The following ACVR1 variants were observed in gnomAD, a reference collection of about 807,000 sequenced individuals.
ACVR1 encodes activin receptor type-1.
ACVR1 carries 38 observed loss-of-function variants against 57.1 expected under a neutral mutation model. That is an observed-to-expected ratio of 0.67 (90% CI 0.51 to 0.87). The LOEUF (loss-of-function observed/expected upper bound fraction) is 0.87, where lower values mean the gene tolerates loss of function less well. Among genes scored for constraint, ACVR1 ranks in the 40% least tolerant of loss-of-function variants. ACVR1 has a pLI of 0.00. For synonymous variants in ACVR1, 212 were observed against 228.1 expected (o/e 0.93, Z 0.63); for missense variants, 463 against 638.2 (o/e 0.73, Z 2.96).
intron 9 of ACVR1, among the ~76,000 whole-genome samples, chr2:157,745,063 T>C (rs1371861807): frequency 6.6e-6 from 1 of 152,236 alleles, no homozygotes; most frequent in Non-Finnish European, 1.5e-5. Context: ...TCCAAACTAA[T>C]TGCATTCTCA....
intron 1 of ACVR1, among the ~76,000 whole-genome samples, chr2:157,854,425 G>GA (rs142157427): frequency 6.6e-6 from 1 of 152,110 alleles, no homozygotes; most frequent in African/African-American, 2.4e-5. Flanking sequence ...AATCCAAAAT[G>GA]AAAAAAGAGT....
intron 9 of ACVR1, among the ~76,000 whole-genome samples, chr2:157,754,725 T>C (rs1328411087): frequency 1.3e-5 from 2 of 152,140 alleles, no homozygotes; most frequent in Non-Finnish European, 2.9e-5. Context: ...TTCTGCAAGA[T>C]AGAGAAAGAG....
chr2:157,848,648 G>A (rs1340339714), intron 1 of ACVR1, among the ~76,000 whole-genome samples: 2 of 152,236 alleles, frequency 1.3e-5, no homozygotes, highest in Admixed American at 1.3e-4. Flanking sequence ...TGCAGAAAGA[G>A]ATTGACTGGA....
At chr2:157,860,991 T>C (rs1234540292) in intron 1 of ACVR1, among the ~76,000 whole-genome samples, 1 of 152,186 alleles carries the variant, frequency 6.6e-6, no homozygotes, top group Non-Finnish European at 1.5e-5. Context: ...AGTAGCAAGG[T>C]TCTAGCCATA....
intron 3 of ACVR1, among the ~76,000 whole-genome samples, chr2:157,789,908 C>T (rs1371395700): frequency 6.6e-6 from 1 of 152,186 alleles, no homozygotes; most frequent in Non-Finnish European, 1.5e-5. Flanking sequence ...GAAAGCCTTT[C>T]TCTCAAAGAG....
At chr2:157,811,322 G>T (rs1687746425) in intron 2 of ACVR1, among the ~76,000 whole-genome samples, 1 of 152,068 alleles carries the variant, frequency 6.6e-6, no homozygotes, top group African/African-American at 2.4e-5. Context: ...CACCAGGCTG[G>T]ACCACCAGGT....
chr2:157,807,483 T>C (rs2105316038), intron 2 of ACVR1, among the ~76,000 whole-genome samples: 1 of 152,130 alleles, frequency 6.6e-6, no homozygotes, highest in Admixed American at 6.5e-5. Flanking sequence ...GACTCCATCA[T>C]CTCCCTGCTA....
chr2:157,748,608 CA>C (rs1331685744), intron 9 of ACVR1, among the ~76,000 whole-genome samples: 1 of 151,072 alleles, frequency 6.6e-6, no homozygotes, highest in Non-Finnish European at 1.5e-5. Context: ...AAACAATTAC[CA>C]AGAAAACGTT....
At chr2:157,813,534 G>A (rs778714567) in intron 2 of ACVR1, among the ~76,000 whole-genome samples, 9 of 152,132 alleles carry the variant, frequency 5.9e-5, no homozygotes, top group Non-Finnish European at 1.2e-4. Context: ...AGTGATGTCT[G>A]CCGTTTCTGA....
At chr2:157,820,565 A>ACT (rs1006813363) in intron 1 of ACVR1, among the ~76,000 whole-genome samples, 3 of 148,178 alleles carry the variant, frequency 2.0e-5, no homozygotes, top group East Asian at 3.9e-4. Flanking sequence ...AAAATCAGAG[A>ACT]CTCTCTCTCT....
chr2:157,753,288 G>C lies in ACVR1; in HGVS notation c.1264+7592C>G, dbSNP rs530785692. On this transcript the variant is annotated intron_variant, in intron 9 of 10. Coordinates refer to ENST00000434821, the MANE Select transcript of ACVR1 (RefSeq NM_001111067.4). ...TTCACGCCTGTAATCCCAACACTTTGGGAGGCCGAGGCGGGCAGATCACAA... is the reference window on the plus strand; with the variant it reads ...TTCACGCCTGTAATCCCAACACTTTCGGAGGCCGAGGCGGGCAGATCACAA... 1.2e-3 allele frequency among the ~76,000 whole-genome samples: 178 copies of C among 152,330 alleles called. 1 individual carries two copies. The highest frequency in any genetic ancestry group is 1.2e-3 in the Non-Finnish European group (83 of 68,022).
At chr2:157,823,505 T>A (rs769562676) in intron 1 of ACVR1, among the ~76,000 whole-genome samples, 1 of 152,078 alleles carries the variant, frequency 6.6e-6, no homozygotes, top group African/African-American at 2.4e-5. Context: ...ATCTCCAAGA[T>A]GTTTTAAGGA....
intron 2 of ACVR1, among the ~76,000 whole-genome samples, chr2:157,803,905 C>T (rs1687420064): frequency 6.8e-6 from 1 of 146,938 alleles, no homozygotes; most frequent in Non-Finnish European, 1.5e-5. Context: ...TAACATACTA[C>T]CTTATTTTTT....
intron 2 of ACVR1, among the ~76,000 whole-genome samples, chr2:157,801,157 G>A (rs934058710): frequency 1.3e-5 from 2 of 152,172 alleles, no homozygotes; most frequent in African/African-American, 4.8e-5. Flanking sequence ...ATCTAATAAA[G>A]TAGAAAATAA....
intron 1 of ACVR1, among the ~76,000 whole-genome samples, chr2:157,865,821 A>AAGATT (rs1553452952): frequency 1.1e-4 from 15 of 137,030 alleles, no homozygotes; most frequent in African/African-American, 3.8e-4. Flanking sequence ...AAAAAGAAAA[A>AAGATT]AGATAGATAG....
intron 1 of ACVR1, among the ~76,000 whole-genome samples, chr2:157,848,507 T>C (rs1028322567): frequency 1.3e-5 from 2 of 152,208 alleles, no homozygotes; most frequent in Admixed American, 1.3e-4. Context: ...AATTCCCAGC[T>C]GAGGCCCCAG....
intron 1 of ACVR1, among the ~76,000 whole-genome samples, chr2:157,842,720 G>A (rs556477811): frequency 1.8e-4 from 28 of 152,238 alleles, no homozygotes; most frequent in Non-Finnish European, 3.8e-4. Context: ...TCAATTTCTA[G>A]CATTTTATGT....
At chr2:157,776,477 T>A (rs964922979) in intron 5 of ACVR1, among the ~76,000 whole-genome samples, 2 of 145,706 alleles carry the variant, frequency 1.4e-5, no homozygotes, top group Non-Finnish European at 3.0e-5. Flanking sequence ...ACAAAAAAAA[T>A]TGTATTTCTC....
At chr2:157,816,393 G>A (rs1358698901) in intron 2 of ACVR1, among the ~76,000 whole-genome samples, 2 of 151,608 alleles carry the variant, frequency 1.3e-5, no homozygotes, top group Non-Finnish European at 2.9e-5. Context: ...ACACCAGCCT[G>A]GGCAACATAG....
Sources: gnomAD v4.1 joint callset for allele counts (sites outside exome capture counted in the v4.1 genomes callset) on GRCh38, gnomAD v4.1.1 for gene constraint, MANE v1.5 for transcripts, NCBI Gene and HGNC (gene_info 2026-07-23, HGNC 2026-07-21) for gene names.